The following PDGFC variants were observed in gnomAD, a reference collection of about 807,000 sequenced individuals.
The protein encoded by PDGFC is platelet-derived growth factor C.
Under a neutral mutation model 35.5 loss-of-function variants are expected in PDGFC, and 12 were observed. The observed-to-expected ratio is 0.34, with a 90% CI of 0.22 to 0.55. The LOEUF (loss-of-function observed/expected upper bound fraction) is 0.55. Among genes scored for constraint, PDGFC ranks in the 20% least tolerant of loss-of-function variants. The pLI, the probability that PDGFC is intolerant of heterozygous loss-of-function variation, is 0.91. For synonymous variants in PDGFC, 159 were observed against 148.8 expected, an observed-to-expected ratio of 1.07 and a Z score of -0.50; for missense variants, 322 against 412.4, an observed-to-expected ratio of 0.78 and a Z score of 1.90.
intron 1 of PDGFC, among the ~76,000 whole-genome samples, chr4:156,939,763 C>A (rs1731764112): frequency 6.6e-6 from 1 of 152,062 alleles, no homozygotes; most frequent in Non-Finnish European, 1.5e-5. Context: ...CTCTACAAGC[C>A]TTATGCCTTA....
chr4:156,966,425 G>A (rs964430214), intron 1 of PDGFC, among the ~76,000 whole-genome samples: 3 of 151,896 alleles, frequency 2.0e-5, no homozygotes, highest in African/African-American at 7.3e-5. Context: ...AACCTACGGG[G>A]AAAATATCAT....
intron 1 of PDGFC, among the ~76,000 whole-genome samples, chr4:156,940,161 C>T (rs139290259): frequency 3.0e-4 from 46 of 152,184 alleles, no homozygotes; most frequent in African/African-American, 9.9e-4. Context: ...TTGAAATCTA[C>T]CTAGTTATTA....
rs1251419631 is a variant in PDGFC at position 156,881,573 on chromosome 4, A to G, written c.119-31157T>C. On this transcript the variant is annotated intron_variant, in intron 1 of 5. Coordinates refer to ENST00000502773, the MANE Select transcript of PDGFC (RefSeq NM_016205.3). ...ACTCTCACAAGATCTGATGGCTTAA[A>G]AAATGGGAGTTACTTTGGGAGGCTG... 2.0e-5 allele frequency among the ~76,000 whole-genome samples: 3 copies of G among 152,074 alleles called. No homozygotes were observed. In the East Asian group the frequency reaches 5.8e-4, roughly 29 times the overall value.
intron 2 of PDGFC, among the ~76,000 whole-genome samples, chr4:156,832,606 C>T (rs964972111): frequency 1.9e-4 from 29 of 152,156 alleles, no homozygotes; most frequent in South Asian, 6.2e-4. Context: ...ATACCACATT[C>T]GAAACCATCA....
chr4:156,946,581 C>T (rs1331785758), intron 1 of PDGFC, among the ~76,000 whole-genome samples: 1 of 151,950 alleles, frequency 6.6e-6, no homozygotes, highest in African/African-American at 2.4e-5. Context: ...GCCTAGGTCC[C>T]CGAAGGAAGA....
chr4:156,855,218 A>G (rs1313829208), intron 1 of PDGFC, among the ~76,000 whole-genome samples: 2 of 152,152 alleles, frequency 1.3e-5, no homozygotes, highest in Non-Finnish European at 2.9e-5. Context: ...TTAAAAAAAT[A>G]TTTATTATGG....
rs141939077 is a variant in PDGFC, at chr4:156,817,316, T to A, written c.315-6299A>T. 1.7e-3 allele frequency among the ~76,000 whole-genome samples: 262 copies of A among 152,250 alleles called. 1 individual carries two copies. Among genetic ancestry groups the A allele is most frequent in the African/African-American group, 5.8e-3 (242 of 41,566 alleles). On this transcript the variant is annotated intron_variant, in intron 2 of 5. Coordinates refer to ENST00000502773, the MANE Select transcript of PDGFC (RefSeq NM_016205.3). ...CAGAATTAAAACAAAAAGCTGATTC[T>A]CAACAAGGGGTTAGAGAGAGAATAA... is the stretch of plus-strand genomic sequence containing the variant.
At chr4:156,945,342 CATATATATATATATATATATATAT>C (rs201167463) in intron 1 of PDGFC, among the ~76,000 whole-genome samples, 1,328 of 81,084 alleles carry the variant, frequency 0.016, 44 homozygotes, top group African/African-American at 0.046. Flanking sequence ...CATATACATA[CATATATATATATATATATATATAT>C]ATATATATAT....
chr4:156,963,515 AC>A (rs1446842349), intron 1 of PDGFC, among the ~76,000 whole-genome samples: 1 of 151,794 alleles, frequency 6.6e-6, no homozygotes, highest in East Asian at 1.9e-4. Flanking sequence ...AAAGCTAAGT[AC>A]AAAAAAAAAA....
At chr4:156,856,577 A>G (rs1359174300) in intron 1 of PDGFC, among the ~76,000 whole-genome samples, 2 of 152,102 alleles carry the variant, frequency 1.3e-5, no homozygotes, top group Non-Finnish European at 2.9e-5. Context: ...TCACTTTTCT[A>G]CCACACTACA....
At chr4:156,868,460 G>A (rs1227427480) in intron 1 of PDGFC, among the ~76,000 whole-genome samples, 3 of 152,018 alleles carry the variant, frequency 2.0e-5, no homozygotes, top group African/African-American at 4.8e-5. Context: ...ACAAAGAAAG[G>A]CTCAGTACAT....
chr4:156,829,706 T>C (rs1728878044), intron 2 of PDGFC, among the ~76,000 whole-genome samples: 1 of 152,118 alleles, frequency 6.6e-6, no homozygotes, highest in Non-Finnish European at 1.5e-5. Context: ...GTTACAGATG[T>C]TATTTCTTAG....
intron 4 of PDGFC, among the ~76,000 whole-genome samples, chr4:156,771,592 T>C (rs1730694969): frequency 6.6e-6 from 1 of 152,132 alleles, no homozygotes; most frequent in Non-Finnish European, 1.5e-5. Flanking sequence ...TCTGTTGGCA[T>C]AGTGAAATAC....
At chr4:156,826,647 T>C (rs551571357) in intron 2 of PDGFC, among the ~76,000 whole-genome samples, 3 of 152,226 alleles carry the variant, frequency 2.0e-5, no homozygotes, top group Non-Finnish European at 4.4e-5. Flanking sequence ...GTATTATTGC[T>C]ACATTTGCAA....
At chr4:156,871,329 G>C (rs138280433) in intron 1 of PDGFC, among the ~76,000 whole-genome samples, 18 of 152,220 alleles carry the variant, frequency 1.2e-4, no homozygotes, top group African/African-American at 3.4e-4. Context: ...CCCTGGCAAA[G>C]ACTGCAGATC....
intron 1 of PDGFC, among the ~76,000 whole-genome samples, chr4:156,918,629 G>A (rs747014887): frequency 2.0e-5 from 3 of 152,116 alleles, no homozygotes; most frequent in East Asian, 1.9e-4. Flanking sequence ...CTGCATATGC[G>A]AGGGACATAG....
chr4:156,866,535 G>C (rs1177275819), intron 1 of PDGFC, among the ~76,000 whole-genome samples: 4 of 152,002 alleles, frequency 2.6e-5, no homozygotes, highest in Non-Finnish European at 5.9e-5. Flanking sequence ...GGACGTGTGT[G>C]GGTGTGTGCG....
At chr4:156,792,678 G>A (rs961769805) in intron 3 of PDGFC, among the ~76,000 whole-genome samples, 8 of 152,178 alleles carry the variant, frequency 5.3e-5, no homozygotes. Context: ...AGTGTGCATA[G>A]TTCAGGAAGT....
intron 1 of PDGFC, among the ~76,000 whole-genome samples, chr4:156,922,379 T>C (rs528036130): frequency 5.3e-5 from 8 of 152,284 alleles, no homozygotes; most frequent in East Asian, 1.9e-4. Context: ...ATAGCAGGCA[T>C]TGAGAATATA....
Sources: gnomAD v4.1 joint callset for allele counts (sites outside exome capture counted in the v4.1 genomes callset) on GRCh38, gnomAD v4.1.1 for gene constraint, MANE v1.5 for transcripts, NCBI Gene and HGNC (gene_info 2026-07-23, HGNC 2026-07-21) for gene names.